The following GSE1 variants were observed in gnomAD, a reference collection of about 807,000 sequenced individuals.
GSE1 encodes Gse1 coiled-coil protein.
GSE1 carries 32 observed loss-of-function variants against 112.6 expected under a neutral mutation model. That is an observed-to-expected ratio of 0.28 (90% confidence interval 0.21 to 0.38). The LOEUF (loss-of-function observed/expected upper bound fraction) is 0.38. Among genes scored for constraint, GSE1 ranks in the 10% least tolerant of loss-of-function variants. The probability of loss-of-function intolerance (pLI) is 1.00; values close to 1 mark genes in which losing one functional copy is unlikely to be tolerated. For synonymous variants in GSE1, 1,115 were observed against 735.6 expected (o/e 1.52, Z -8.35); for missense variants, 2,348 against 1,699.2 (o/e 1.38, Z -6.71).
intron 2 of GSE1, among the ~76,000 whole-genome samples, chr16:85,523,801 G>A (rs556676026): frequency 2.0e-5 from 3 of 152,372 alleles, no homozygotes; most frequent in Admixed American, 1.3e-4. Flanking sequence ...AGAGGGGCTG[G>A]CCCTCAGGCG....
intron 3 of GSE1, 103 bp downstream of exon 3, chr16:85,648,854 A>C (rs1404605678): frequency 3.2e-6 from 2 of 622,928 alleles, no homozygotes; most frequent in Non-Finnish European, 5.3e-6. Context: ...TTTACATTCC[A>C]GACACCCCCT....
At chr16:85,265,421 C>G (rs1437268932) in intron 1 of GSE1, among the ~76,000 whole-genome samples, 1 of 152,186 alleles carries the variant, frequency 6.6e-6, no homozygotes, top group Non-Finnish European at 1.5e-5. Flanking sequence ...CTCGACCGCC[C>G]CAGACCCGCG....
chr16:85,533,407 G>A (rs781013672), intron 2 of GSE1, among the ~76,000 whole-genome samples: 1 of 152,006 alleles, frequency 6.6e-6, no homozygotes. Context: ...GCGACACAGC[G>A]AGACTCCGTT....
intron 1 of GSE1, among the ~76,000 whole-genome samples, chr16:85,317,414 C>G (rs930328883): frequency 1.1e-4 from 16 of 152,226 alleles, no homozygotes; most frequent in Middle Eastern, 3.4e-3. Context: ...GACTCATGCC[C>G]CCAGGACCAG....
At chr16:85,308,840 A>G (rs192012846) in intron 1 of GSE1, among the ~76,000 whole-genome samples, 46 of 148,850 alleles carry the variant, frequency 3.1e-4, no homozygotes, top group African/African-American at 1.0e-3. Context: ...TGCCACTACC[A>G]TGACCCACAG....
chr16:85,506,469 C>T (rs1427577551), intron 2 of GSE1, among the ~76,000 whole-genome samples: 2 of 151,944 alleles, frequency 1.3e-5, no homozygotes, highest in African/African-American at 2.4e-5. Flanking sequence ...AGGGTTCTTC[C>T]AGGAAAAGGG....
intron 1 of GSE1, among the ~76,000 whole-genome samples, chr16:85,270,287 G>C (rs74467202): frequency 1.3e-5 from 2 of 148,976 alleles, no homozygotes; most frequent in Non-Finnish European, 3.0e-5. Context: ...ATGCCTCTCT[G>C]TTGAGGCCCA....
chr16:85,452,574 G>A (rs961483133), intron 2 of GSE1, among the ~76,000 whole-genome samples: 2 of 152,252 alleles, frequency 1.3e-5, no homozygotes, highest in South Asian at 2.1e-4. Flanking sequence ...GGAAGCCTGG[G>A]GTGCTGCTGC....
Position 85,203,392 on chromosome 16 carries a change from A to G in GSE1, c.2283+31585A>G, listed in dbSNP as rs548341607. 1.4e-3 allele frequency among the ~76,000 whole-genome samples: 213 copies of G among 152,284 alleles called. 1 individual carries two copies. Among genetic ancestry groups the G allele is most frequent in the Non-Finnish European group, 2.6e-3 (179 of 68,016 alleles). On this transcript the variant is annotated intron_variant, in intron 1 of 2. Coordinates refer to the GSE1 transcript ENST00000637419. ...TGCTAAGGTGGTGTGGCACCCTGGCAACAGTGGTGAGCGGGCAGAGCCAAG... is the reference window on the plus strand; with the variant it reads ...TGCTAAGGTGGTGTGGCACCCTGGCGACAGTGGTGAGCGGGCAGAGCCAAG...
At chr16:85,511,963 A>G (rs1019355362) in intron 2 of GSE1, among the ~76,000 whole-genome samples, 2 of 152,142 alleles carry the variant, frequency 1.3e-5, no homozygotes, top group African/African-American at 2.4e-5. Flanking sequence ...GGCTGCTTGG[A>G]GGGCTCGATC....
In GSE1 at chr16:85,214,715, C is replaced by T. The variant is rs116216620; in HGVS notation, c.2283+42908C>T. ...CCCCGCCCGGTCCCCTCTCACAGACCGCGTGGGGTGCAGGCGACTAGAGCC... is the reference window on the plus strand; with the variant it reads ...CCCCGCCCGGTCCCCTCTCACAGACTGCGTGGGGTGCAGGCGACTAGAGCC... On this transcript the variant is annotated intron_variant, in intron 1 of 2. Coordinates refer to the GSE1 transcript ENST00000637419. Among the ~76,000 whole-genome samples, 1,054 of 152,278 alleles carry T rather than the reference C, an allele frequency of 6.9e-3. 17 individuals are homozygous for T. Among genetic ancestry groups the T allele is most frequent in the African/African-American group, 0.024 (1,018 of 41,558 alleles).
chr16:85,664,598 C>T (rs1371883641), intron 11 of GSE1: 1 of 161,818 alleles, frequency 6.2e-6, no homozygotes, highest in African/African-American at 2.4e-5. Context: ...CTTTCCCCTT[C>T]AGGAAGTGGC....
intron 1 of GSE1, among the ~76,000 whole-genome samples, chr16:85,606,354 C>T (rs527993077): frequency 2.6e-5 from 4 of 152,332 alleles, no homozygotes; most frequent in South Asian, 2.1e-4. Flanking sequence ...GAAGGCAGGG[C>T]GGACTTCTCC....
chr16:85,495,917 G>T (rs568543134), intron 2 of GSE1, among the ~76,000 whole-genome samples: 6 of 152,320 alleles, frequency 3.9e-5, no homozygotes, highest in African/African-American at 1.4e-4. Flanking sequence ...TGATAGAAAG[G>T]ATGCCAGAGC....
At chr16:85,182,218 G>A (rs951714325) in intron 1 of GSE1, among the ~76,000 whole-genome samples, 3 of 152,134 alleles carry the variant, frequency 2.0e-5, no homozygotes, top group Non-Finnish European at 4.4e-5. Flanking sequence ...GGGAGGAGGT[G>A]CCATCGTGGG....
At chr16:85,246,363 ACAC>A (rs1905751002) in intron 1 of GSE1, among the ~76,000 whole-genome samples, 1 of 123,546 alleles carries the variant, frequency 8.1e-6, no homozygotes, top group Non-Finnish European at 1.7e-5. Context: ...ACACACACAC[ACAC>A]ACCACACGCT....
At chr16:85,378,290 C>T (rs2047468194) in intron 2 of GSE1, among the ~76,000 whole-genome samples, 1 of 152,196 alleles carries the variant, frequency 6.6e-6, no homozygotes, top group Non-Finnish European at 1.5e-5. Flanking sequence ...GGGTCGGTGT[C>T]CTCCATGCTG....
At chr16:85,254,360 T>C (rs1346214493) in intron 1 of GSE1, among the ~76,000 whole-genome samples, 1 of 152,176 alleles carries the variant, frequency 6.6e-6, no homozygotes, top group Non-Finnish European at 1.5e-5. Flanking sequence ...CTCCTGGCTG[T>C]CTGGACTGGG....
chr16:85,573,209 G>C (rs2046081915), intron 1 of GSE1, among the ~76,000 whole-genome samples: 1 of 152,084 alleles, frequency 6.6e-6, no homozygotes, highest in Admixed American at 6.6e-5. Context: ...ATGTTGTCCA[G>C]GCTGGCCTCG....
Sources: allele counts gnomAD v4.1 joint callset (sites outside exome capture counted in the v4.1 genomes callset), GRCh38; gene constraint gnomAD v4.1.1; transcripts MANE v1.5; gene names NCBI Gene and HGNC (gene_info 2026-07-23, HGNC 2026-07-21).